The following CYP39A1 variants were observed in gnomAD, a reference collection of about 807,000 sequenced individuals.
CYP39A1 encodes the protein 24-hydroxycholesterol 7-alpha-hydroxylase.
Under a neutral mutation model 58.1 loss-of-function variants are expected in CYP39A1, and 49 were observed. The observed-to-expected ratio is 0.84, with a 90% CI of 0.67 to 1.07. The LOEUF (loss-of-function observed/expected upper bound fraction) is 1.07. CYP39A1 is among the 50% of genes least tolerant of loss of function. The pLI is 0.00. For missense variants in CYP39A1, 531 were observed against 539.4 expected (o/e 0.98, Z 0.16); for synonymous variants, 209 against 187.6 (o/e 1.11, Z -0.93).
chr6:46,603,691 T>C lies in CYP39A1; in HGVS notation c.932-7571A>G, dbSNP rs79362974. On this transcript the variant is annotated intron_variant, in intron 7 of 11. Coordinates refer to ENST00000275016, the MANE Select transcript of CYP39A1 (RefSeq NM_016593.5). ...GATTGAGACCTGTCTCAGACACTTT[T>C]TGGTTTACTCACTCGTTTACACGTC... 6.7e-3 allele frequency among the ~76,000 whole-genome samples: 1,025 copies of C among 152,316 alleles called. 14 individuals carry two copies. The highest frequency in any genetic ancestry group is 0.023 in the African/African-American group (951 of 41,572).
At chr6:46,647,559 G>A (rs1762400094) in intron 1 of CYP39A1, among the ~76,000 whole-genome samples, 2 of 152,104 alleles carry the variant, frequency 1.3e-5, no homozygotes, top group African/African-American at 4.8e-5. Context: ...TACACCTGTT[G>A]GTGGGAGGTA....
At chr6:46,580,823 G>A (rs1278360839) in intron 10 of CYP39A1, among the ~76,000 whole-genome samples, 4 of 152,076 alleles carry the variant, frequency 2.6e-5, no homozygotes, top group Non-Finnish European at 4.4e-5. Context: ...CATTCAGAAC[G>A]GTTATCATTA....
chr6:46,566,737 T>C (rs1375114458), intron 10 of CYP39A1, among the ~76,000 whole-genome samples: 4 of 152,102 alleles, frequency 2.6e-5, no homozygotes, highest in Non-Finnish European at 5.9e-5. Flanking sequence ...GAAATGATCT[T>C]ATGGCTTATT....
At chr6:46,562,624 AC>A (rs1481844417) in intron 10 of CYP39A1, among the ~76,000 whole-genome samples, 6 of 151,954 alleles carry the variant, frequency 3.9e-5, no homozygotes, top group Non-Finnish European at 7.4e-5. Flanking sequence ...AATAAAATAA[AC>A]AAATAAATAA....
intron 7 of CYP39A1, among the ~76,000 whole-genome samples, chr6:46,615,969 C>T (rs1412597937): frequency 1.3e-5 from 2 of 150,678 alleles, no homozygotes; most frequent in Non-Finnish European, 3.0e-5. Flanking sequence ...TTCCCCCATC[C>T]CTGACATTCC....
intron 10 of CYP39A1, among the ~76,000 whole-genome samples, chr6:46,585,883 C>T (rs541753629): frequency 6.6e-6 from 1 of 152,194 alleles, no homozygotes; most frequent in Admixed American, 6.5e-5. Flanking sequence ...CTGCTAGTAA[C>T]ATCTGAGGCT....
intron 10 of CYP39A1, among the ~76,000 whole-genome samples, chr6:46,555,132 C>T (rs1329727881): frequency 6.6e-6 from 1 of 152,088 alleles, no homozygotes; most frequent in African/African-American, 2.4e-5. Context: ...TGCCCCTTAC[C>T]TATCTCTGCA....
At chr6:46,632,703 CA>C (rs1775734831) in intron 5 of CYP39A1, among the ~76,000 whole-genome samples, 1 of 151,134 alleles carries the variant, frequency 6.6e-6, no homozygotes, top group African/African-American at 2.5e-5. Flanking sequence ...AACTGAAACA[CA>C]ATAAAGTTAG....
At chr6:46,560,736 G>T (rs1370403426) in intron 10 of CYP39A1, among the ~76,000 whole-genome samples, 2 of 152,018 alleles carry the variant, frequency 1.3e-5, no homozygotes, top group African/African-American at 4.8e-5. Context: ...AAGCCATGGG[G>T]CAGTATGAGA....
chr6:46,605,786 A>C (rs1407071364), intron 7 of CYP39A1, among the ~76,000 whole-genome samples: 1 of 152,182 alleles, frequency 6.6e-6, no homozygotes, highest in Non-Finnish European at 1.5e-5. Flanking sequence ...GGACATTATA[A>C]ATAAATTAGC....
chr6:46,636,358 C>T (rs1325720041), intron 5 of CYP39A1, 31 bp downstream of exon 5: 3 of 1,453,840 alleles, frequency 2.1e-6, no homozygotes, highest in African/African-American at 2.8e-5. Context: ...ACTATCTTTA[C>T]ATTAGCAAAA....
intron 7 of CYP39A1, among the ~76,000 whole-genome samples, chr6:46,601,375 T>C (rs1047623331): frequency 4.6e-5 from 7 of 152,254 alleles, no homozygotes; most frequent in African/African-American, 1.4e-4. Flanking sequence ...TAAGACCAAG[T>C]CAGTACCGTC....
At chr6:46,623,620 T>C (rs1263032355) in intron 7 of CYP39A1, among the ~76,000 whole-genome samples, 1 of 152,214 alleles carries the variant, frequency 6.6e-6, no homozygotes, top group African/African-American at 2.4e-5. Context: ...AAATGTCTTT[T>C]GAGTTTTCTC....
intron 5 of CYP39A1, 40 bp downstream of exon 5, chr6:46,636,349 C>G: frequency 5.7e-6 from 8 of 1,394,034 alleles, no homozygotes; most frequent in Non-Finnish European, 8.0e-6. Flanking sequence ...TAATTTATTA[C>G]TATCTTTACA....
intron 8 of CYP39A1, among the ~76,000 whole-genome samples, chr6:46,588,914 T>C (rs576944157): frequency 6.6e-6 from 1 of 152,202 alleles, no homozygotes; most frequent in Admixed American, 6.5e-5. Context: ...CTAAAACCCA[T>C]TTCACAAAAT....
chr6:46,564,360 A>C (rs1037897947), intron 10 of CYP39A1, among the ~76,000 whole-genome samples: 11 of 151,168 alleles, frequency 7.3e-5, no homozygotes, highest in South Asian at 2.1e-4. Context: ...CACCCAAGTA[A>C]TTTTTTTGTA....
chr6:46,637,707 A>G, intron 4 of CYP39A1, 122 bp downstream of exon 4: 2 of 1,005,064 alleles, frequency 2.0e-6, no homozygotes, highest in East Asian at 5.2e-5. Context: ...CAAACAGGTC[A>G]TAAGAAACGG....
intron 7 of CYP39A1, among the ~76,000 whole-genome samples, chr6:46,615,593 ATTT>A (rs1774484870): frequency 6.6e-6 from 1 of 151,910 alleles, no homozygotes; most frequent in Non-Finnish European, 1.5e-5. Flanking sequence ...TCTTTTTTTT[ATTT>A]AAAAATCCAC....
Position 46,652,748 on chromosome 6 carries a change from G to T in CYP39A1, c.-166C>A, listed in dbSNP as rs907635499. 4.0e-5 allele frequency: 24 copies of T among 602,714 alleles called. No homozygotes were observed. The highest frequency in any genetic ancestry group is 6.3e-5 in the Non-Finnish European group (23 of 365,546). The allele number at this position is 602,714 out of a possible 1,614,324, so 37.3% of individuals were successfully genotyped here. On this transcript the variant is annotated 5_prime_UTR_variant, in exon 1 of 12. In the 5' UTR this introduces an upstream ATG that the reference lacks. Transcript: ENST00000275016. ...CTTCCTTCCTCTGTCCCAGTTTTCA[G>T]GTGATTTTTCCATTGTCGCTCCCTC...
Sources: gnomAD v4.1 joint callset for allele counts (sites outside exome capture counted in the v4.1 genomes callset) on GRCh38, gnomAD v4.1.1 for gene constraint, MANE v1.5 for transcripts, NCBI Gene and HGNC (gene_info 2026-07-23, HGNC 2026-07-21) for gene names.